The following WDR24 variants were observed in gnomAD, a reference collection of about 807,000 sequenced individuals.
WDR24 encodes the protein WD repeat domain 24.
Under a neutral mutation model 66.7 loss-of-function variants are expected in WDR24, and 32 were observed. That is an observed-to-expected ratio of 0.48 (90% CI 0.36 to 0.64). The LOEUF (loss-of-function observed/expected upper bound fraction) is 0.64, where lower values mean the gene tolerates loss of function less well. Ranked by LOEUF, WDR24 falls within the 30% of genes least tolerant of loss-of-function variation. The probability of loss-of-function intolerance (pLI) is 0.00; values close to 1 mark genes in which losing one functional copy is unlikely to be tolerated. For missense variants in WDR24, 978 were observed against 1,144.1 expected (o/e 0.85, Z 2.09); for synonymous variants, 565 against 469.1 (o/e 1.20, Z -2.64).
Position 689,778 on chromosome 16 carries a change from A to T in WDR24, c.-138T>A, listed in dbSNP as rs2039946351. 1 of 1,356,686 alleles carries T rather than the reference A, an allele frequency of 7.4e-7. No homozygotes were observed. Among genetic ancestry groups the T allele is most frequent in the South Asian group, 1.4e-5 (1 of 72,878 alleles). The allele number at this position is 1,356,686 out of a possible 1,614,324, so 84.0% of individuals were successfully genotyped here. On this transcript the variant is annotated 5_prime_UTR_variant, in exon 1 of 9. Transcript: ENST00000293883. Reference sequence around the variant, plus strand: ...GCTTGGTCCCGGGCTGGTCAGTCTTAGTGAGCCAATCCAGGGCTGTCTATC... The same window carrying T: ...GCTTGGTCCCGGGCTGGTCAGTCTTTGTGAGCCAATCCAGGGCTGTCTATC...
intron 1 of WDR24, 24 bp downstream of exon 1, chr16:689,136 C>T (rs1301235205): frequency 6.2e-7 from 1 of 1,610,402 alleles, no homozygotes; most frequent in Non-Finnish European, 8.5e-7. Context: ...GCCCACCTGC[C>T]CTGACCTGCC....
Position 690,007 on chromosome 16 carries a change from A to C in WDR24, c.-367T>G, listed in dbSNP as rs1387724575. ...TCAGCCAGATCTGGGCAGTCACTAA[A>C]CGCTCGGTCAGTCAATCCCAGCAGG... On this transcript the variant is annotated 5_prime_UTR_variant, in exon 1 of 9. Transcript: ENST00000293883. 4.0e-6 allele frequency: 2 copies of C among 501,742 alleles called. No homozygotes were observed. Among genetic ancestry groups the C allele is most frequent in the South Asian group, 1.5e-5 (1 of 64,946 alleles). The allele number at this position is 501,742 out of a possible 1,614,324, so 31.1% of individuals were successfully genotyped here. A position where few individuals can be genotyped will look rare whatever the true frequency, so the allele number is the denominator to read the frequency against.
At position 689,473 on chromosome 16, in the gene WDR24, C is replaced by T. The variant is rs374203535; in HGVS notation, c.168G>A (p.Glu56=). ...RSIFKIYAIE[E]EQFVEKLNLR... ...GGTTCAGCTTTTCCACGAACTGTTC[C>T]TCCTCGATGGCATAGATCTTGAAGA... The change falls in exon 1 of 9, where the codon GAG becomes GAA. Residue 56 remains glutamate (E), a synonymous_variant. Coordinates refer to ENST00000293883, the MANE Select transcript of WDR24 (RefSeq NM_032259.4). 6.2e-7 allele frequency: 1 copy of T among 1,613,454 alleles called. No individual in the cohort carries two copies. The highest frequency in any genetic ancestry group is 1.3e-5 in the African/African-American group (1 of 74,956).
In WDR24 at chr16:685,800, C is replaced by A; in HGVS notation, c.1574-17G>T. The A allele has an allele frequency of 6.2e-7, 1 of 1,613,092 alleles. No individual in the cohort carries two copies. The highest frequency in any genetic ancestry group is 1.7e-5 in the Admixed American group (1 of 60,018). Reference sequence around the variant, plus strand: ...CCTCGTTATCTGCCCGACAATGGGGCGGGCATTCAGGGTCGTCTGGGACAC... The same window carrying A: ...CCTCGTTATCTGCCCGACAATGGGGAGGGCATTCAGGGTCGTCTGGGACAC... On this transcript the variant is annotated splice_polypyrimidine_tract_variant and intron_variant, in intron 5 of 8. Transcript: ENST00000293883.
chr16:684,688 C>T lies in WDR24; in HGVS notation c.*46G>A. 2.0e-6 allele frequency: 3 copies of T among 1,527,480 alleles called. No individual in the cohort carries two copies. The highest frequency in any genetic ancestry group is 2.6e-6 in the Non-Finnish European group (3 of 1,138,810). The allele number at this position is 1,527,480 out of a possible 1,614,324, so 94.6% of individuals were successfully genotyped here. A position where few individuals can be genotyped will look rare whatever the true frequency, so the allele number is the denominator to read the frequency against. On this transcript the variant is annotated 3_prime_UTR_variant, in exon 9 of 9. Transcript: ENST00000293883. Reference sequence around the variant, plus strand: ...CGCCCGTCTCGGGCACAAGACCAGGCGGGGTTCTGCACGCGGCCGCCCGGG... The same window carrying T: ...CGCCCGTCTCGGGCACAAGACCAGGTGGGGTTCTGCACGCGGCCGCCCGGG...
rs1469372205 is a variant in WDR24 at position 689,856 on chromosome 16, C to G, written c.-216G>C. 4.6e-5 allele frequency: 36 copies of G among 788,926 alleles called. No individual in the cohort carries two copies. Among genetic ancestry groups the G allele is most frequent in the Non-Finnish European group, 7.5e-5 (35 of 466,564 alleles). 48.9% of individuals were successfully genotyped at this position (788,926 alleles called of 1,614,324 possible). A position where few individuals can be genotyped will look rare whatever the true frequency, so the allele number is the denominator to read the frequency against. ...AATTCACTGGAGTCTGTCAGTCCAG[C>G]CCATCACCCTGGCTGAGCGGTGAGG... is the stretch of plus-strand genomic sequence containing the variant. On this transcript the variant is annotated 5_prime_UTR_variant, in exon 1 of 9. Transcript: ENST00000293883.
At position 684,907 on chromosome 16, in the gene WDR24, G is replaced by A. The variant is rs1180789769; in HGVS notation, c.2205-5C>T. The stretch of plus-strand genomic sequence containing the variant: ...ATGCTGGCGCAGCGGTGGCACCTGG[G>A]GGCGGGCGGGAGGGAGGGTGCCTCA... On this transcript the variant is annotated splice_region_variant and splice_polypyrimidine_tract_variant and intron_variant, in intron 8 of 8. Transcript: ENST00000293883. The A allele has an allele frequency of 1.3e-6, 2 of 1,539,626 alleles. No homozygotes were observed. The highest frequency in any genetic ancestry group is 2.4e-5 in the South Asian group (2 of 83,552).
In WDR24 at chr16:685,347, G is replaced by C; in HGVS notation, c.1929C>G (p.Phe643Leu). Residue 643 changes from phenylalanine (F) to leucine (L), a missense_variant, in exon 7 of 9, where the codon TTC becomes TTG. Coordinates refer to ENST00000293883, the MANE Select transcript of WDR24 (RefSeq NM_032259.4). ...FGVLVRDMLH[F>L]YAEQGDVQMA... ...TCTGCACGTCGCCCTGCTCAGCGTA[G>C]AAGTGCAGCATGTCGCGCACCAGCA... 6.2e-7 allele frequency: 1 copy of C among 1,610,996 alleles called. No individual in the cohort carries two copies. Among genetic ancestry groups the C allele is most frequent in the Non-Finnish European group, 8.5e-7 (1 of 1,179,834 alleles).
Position 685,461 on chromosome 16 carries a change from G to A in WDR24, c.1815C>T (p.Ala605=). Residue 605 remains alanine (A), a synonymous_variant, in exon 7 of 9, where the codon GCC becomes GCT. Coordinates refer to ENST00000293883, the MANE Select transcript of WDR24 (RefSeq NM_032259.4). ...AGGAGGAGTCCACGGGGGCCAGGGA[G>A]GCCACATCCGCCTCGCTGCCGCTCA... is the stretch of plus-strand genomic sequence containing the variant. ...PHVSGSEADV[A]SLAPVDSSFS... 6.9e-6 allele frequency: 11 copies of A among 1,604,392 alleles called. No homozygotes were observed. The highest frequency in any genetic ancestry group is 7.7e-6 in the Non-Finnish European group (9 of 1,173,274).
In WDR24 at chr16:685,405, T is replaced by C. The variant is rs1456620977; in HGVS notation, c.1871A>G (p.Tyr624Cys). The change falls in exon 7 of 9, where the codon TAC becomes TGC. Residue 624 changes from tyrosine (Y) to cysteine (C), a missense_variant. This residue lies in a region of WDR24 where 676 missense variants were observed against 617.5 expected (regional missense o/e 1.09). Coordinates refer to ENST00000293883, the MANE Select transcript of WDR24 (RefSeq NM_032259.4). ...GAAGTCGGGCGGCAGGCGGCTGTCG[T>C]AGAGCGCGTGTGAGACAGACAGGAG... ...FSLLSVSHAL[Y>C]DSRLPPDFFG... 5 of 1,612,490 alleles carry C rather than the reference T, an allele frequency of 3.1e-6. No individual in the cohort carries two copies. In the Admixed American group the frequency reaches 5.0e-5, roughly 16 times the overall value.
At position 687,796 on chromosome 16, in the gene WDR24, C is replaced by G. The variant is rs770361774; in HGVS notation, c.482-57G>C. 3.4e-5 allele frequency: 54 copies of G among 1,574,418 alleles called. 1 individual carries two copies. The Middle Eastern group carries it at 1.3e-3, about 39-fold the overall frequency. On this transcript the variant is annotated intron_variant, in intron 1 of 8. Coordinates refer to ENST00000293883, the MANE Select transcript of WDR24 (RefSeq NM_032259.4). Reference sequence around the variant, plus strand: ...ACGGGGCTGGCCCATGAGGTGCGCCCTCAGAACAGCTGTGGCATGGTGTCA... The same window carrying G: ...ACGGGGCTGGCCCATGAGGTGCGCCGTCAGAACAGCTGTGGCATGGTGTCA...
Position 685,097 on chromosome 16 carries a change from C to T in WDR24, c.2099G>A (p.Ser700Asn). The change falls in exon 8 of 9, where the codon AGC (serine) becomes AAC (asparagine). Residue 700 changes from serine (S) to asparagine (N), a missense_variant. Around this residue, in one of 2 missense-constraint regions of WDR24, gnomAD observed 676 missense variants for 617.5 expected, o/e 1.09. Transcript: ENST00000293883. ...WNVSNEVVKL[S>N]TSRAVSCLNQ... is the part of the protein sequence containing the mutation. ...GAGGCAGCTGACGGCGCGGCTGGTG[C>T]TCAGCTTGACCACCTCGTTGGACAC... 1 of 1,556,040 alleles carries T rather than the reference C, an allele frequency of 6.4e-7. No homozygotes were observed. The highest frequency in any genetic ancestry group is 8.7e-7 in the Non-Finnish European group (1 of 1,150,718).
At position 687,644 on chromosome 16, in the gene WDR24, T is replaced by C. The variant is rs1415320062; in HGVS notation, c.577A>G (p.Ile193Val). The C allele has an allele frequency of 3.1e-6, 5 of 1,613,444 alleles. No individual in the cohort carries two copies. Among genetic ancestry groups the C allele is most frequent in the Non-Finnish European group, 4.2e-6 (5 of 1,180,018 alleles). The change falls in exon 2 of 9, where the codon ATC (isoleucine) becomes GTC (valine). Residue 193 changes from isoleucine (I) to valine (V), a missense_variant. Physicochemically the swap from Ile to Val is conservative, Grantham distance 29 (BLOSUM62 3). Transcript: ENST00000293883. ...CTCTCGCACCGGTCGGGACGCCGGA[T>C]GTCCCAGAGCTGCACATTGCCGTTC... ...FENGNVQLWD[I>V]RRPDRCERMF...
At position 684,851 on chromosome 16, in the gene WDR24, A is replaced by T. The variant is rs1011362113; in HGVS notation, c.2256T>A (p.Gly752=). ...TGCAGCCCTGGCACCACACGAAGAG[A>T]CCCTTGACTACGTGGTGGCAGACGG... ...MCAVCHHVVK[G]LFVWCQGCSH... is the part of the protein sequence containing the mutation. Residue 752 remains glycine (G), a synonymous_variant, in exon 9 of 9, where the codon GGT becomes GGA. Transcript: ENST00000293883. 7.0e-7 allele frequency: 1 copy of T among 1,431,054 alleles called. No homozygotes were observed. Among genetic ancestry groups the T allele is most frequent in the South Asian group, 1.2e-5 (1 of 82,754 alleles). The allele number at this position is 1,431,054 out of a possible 1,614,324, so 88.6% of individuals were successfully genotyped here.
chr16:685,820 G>A (rs768695972), intron 5 of WDR24, 37 bp from the exon 6 acceptor site: 10 of 1,613,052 alleles, frequency 6.2e-6, no homozygotes, highest in African/African-American at 2.7e-5. Flanking sequence ...GGGTCGTCTG[G>A]GACACCCCCA....
chr16:686,861 A>G lies in WDR24; in HGVS notation c.1215T>C (p.Gly405=). The change falls in exon 3 of 9, where the codon GGT becomes GGC. Residue 405 remains glycine (G), a synonymous_variant. Transcript: ENST00000293883. ...SALSVFETEP[G]GGGMRWFVDT... ...CCACAAACCAGCGCATGCCGCCGCC[A>G]CCTGGCTCCGTCTCAAAGACACTGA... 6.2e-7 allele frequency: 1 copy of G among 1,610,538 alleles called. No homozygotes were observed. The highest frequency in any genetic ancestry group is 1.3e-5 in the African/African-American group (1 of 75,064).
At position 689,930 on chromosome 16, in the gene WDR24, C is replaced by T. The variant is rs527389915; in HGVS notation, c.-290G>A. On this transcript the variant is annotated 5_prime_UTR_variant, in exon 1 of 9. The change creates a new upstream start codon in the 5' untranslated region. Transcript: ENST00000293883. The stretch of plus-strand genomic sequence containing the variant: ...CTGTCAGTTTCATGTCTGACTTCCA[C>T]GGAAGACTCTAGCTGGACATTCCCG... The T allele has an allele frequency of 3.1e-6, 2 of 636,578 alleles. No individual in the cohort carries two copies. Among genetic ancestry groups the T allele is most frequent in the Non-Finnish European group, 5.8e-6 (2 of 343,368 alleles). 39.4% of individuals were successfully genotyped at this position (636,578 alleles called of 1,614,324 possible).
Position 690,203 on chromosome 16 carries a change from G to A in WDR24, c.-563C>T, listed in dbSNP as rs983314258. 2.0e-5 allele frequency: 8 copies of A among 390,278 alleles called. No homozygotes were observed. Among genetic ancestry groups the A allele is most frequent in the Non-Finnish European group, 3.6e-5 (7 of 196,462 alleles). 24.2% of individuals were successfully genotyped at this position (390,278 alleles called of 1,614,324 possible). On this transcript the variant is annotated 5_prime_UTR_variant, in exon 1 of 9. Transcript: ENST00000293883. ...GGACCGAGCTACTTAAGGAGCTCGA[G>A]GTGTCTGGCGGGACCGGAGGCAGGA...
At position 689,296 on chromosome 16, in the gene WDR24, C is replaced by T; in HGVS notation, c.345G>A (p.Leu115=). 6.2e-7 allele frequency: 1 copy of T among 1,613,912 alleles called. No individual in the cohort carries two copies. The highest frequency in any genetic ancestry group is 8.5e-7 in the Non-Finnish European group (1 of 1,180,016). ...TTACCGTGCGCTTGTGTTCTGTGAACAGCTGGTCCTGCTTGTTGCGGGATG... is the reference window on the plus strand; with the variant it reads ...TTACCGTGCGCTTGTGTTCTGTGAATAGCTGGTCCTGCTTGTTGCGGGATG... ...GRPSRNKQDQ[L]FTEHKRTVNK... is the part of the protein sequence containing the mutation. Residue 115 remains leucine, a synonymous_variant, in exon 1 of 9, where the codon CTG becomes CTA. Transcript: ENST00000293883.
Sources: gnomAD v4.1 joint callset for allele counts on GRCh38, gnomAD v4.1.1 for gene constraint, gnomAD v4.1.1 regional missense constraint, MANE v1.5 for transcripts, NCBI Gene and HGNC (gene_info 2026-07-23, HGNC 2026-07-21) for gene names.